Variants in DSN1 observed in about 807,000 individuals in gnomAD.
DSN1 encodes the protein kinetochore-associated protein DSN1 homolog.
Under a neutral mutation model 45.7 loss-of-function variants are expected in DSN1, and 31 were observed. That is an observed-to-expected ratio of 0.68 (90% CI 0.51 to 0.92). DSN1 has a LOEUF of 0.92. DSN1 is among the 40% of genes least tolerant of loss of function. The pLI, the probability that DSN1 is intolerant of heterozygous loss-of-function variation, is 0.00. For synonymous variants in DSN1, 134 were observed against 142.3 expected (o/e 0.94, Z 0.41); for missense variants, 394 against 414.2 (o/e 0.95, Z 0.42).
At chr20:36,753,021 T>C (rs1986456104) in intron 10 of DSN1, 124 bp from the exon 11 acceptor site, 1 of 754,328 alleles carries the variant, frequency 1.3e-6, no homozygotes, top group Non-Finnish European at 2.2e-6. Flanking sequence ...AGAGAGTCTC[T>C]GGCCTCAAGG....
intron 5 of DSN1, among the ~76,000 whole-genome samples, chr20:36,765,346 G>C (rs894943733): frequency 6.6e-6 from 1 of 150,592 alleles, no homozygotes; most frequent in Non-Finnish European, 1.5e-5. Context: ...ACCTGAGGTC[G>C]GGAGTTCGAG....
chr20:36,766,752 A>C lies in DSN1; in HGVS notation c.502+17T>G. On this transcript the variant is annotated intron_variant, in intron 5 of 10. Transcript: ENST00000373750. Reference sequence around the variant, plus strand: ...GACTGCCCAGGGTCAAAGCTCACTCATCTGTTAGCAACTTACCTTTGGCTC... The same window carrying C: ...GACTGCCCAGGGTCAAAGCTCACTCCTCTGTTAGCAACTTACCTTTGGCTC... 1 of 1,606,216 alleles carries C rather than the reference A, an allele frequency of 6.2e-7. No individual in the cohort carries two copies. The highest frequency in any genetic ancestry group is 1.3e-5 in the African/African-American group (1 of 74,626).
intron 4 of DSN1, 52 bp downstream of exon 4, chr20:36,767,917 C>G: frequency 1.3e-6 from 2 of 1,567,090 alleles, no homozygotes; most frequent in Middle Eastern, 1.7e-4. Context: ...AAAAGATTGT[C>G]ACAATAGCAG....
rs552907795 is a variant in DSN1, at chr20:36,770,126, G to A, written c.355+747C>T. ...TGTCACCCAGGATAGATTGAGTGGCGCAATCATAGCTCACTGCCTTCTTGA... is the reference window on the plus strand; with the variant it reads ...TGTCACCCAGGATAGATTGAGTGGCACAATCATAGCTCACTGCCTTCTTGA... On this transcript the variant is annotated intron_variant, in intron 3 of 10. Coordinates refer to ENST00000373750, the MANE Select transcript of DSN1 (RefSeq NM_001145315.2). 4.3e-4 allele frequency among the ~76,000 whole-genome samples: 65 copies of A among 152,198 alleles called. No homozygotes were observed. In the South Asian group the frequency reaches 0.012, roughly 28 times the overall value.
Position 36,763,417 on chromosome 20 carries a change from A to AG in DSN1, c.503-870_503-869insC, listed in dbSNP as rs1221431854. ...GACTCTGTCTCAAAAAAAGAAAAAA[A>AG]AAAAAAAAAAAAAAAAGAAGTCAGG... On this transcript the variant is annotated intron_variant, in intron 5 of 10. Coordinates refer to ENST00000373750, the MANE Select transcript of DSN1 (RefSeq NM_001145315.2). Among the ~76,000 whole-genome samples, 20 of 149,008 alleles carry AG rather than the reference A, an allele frequency of 1.3e-4. 1 individual carries two copies. The highest frequency in any genetic ancestry group is 4.9e-4 in the African/African-American group (20 of 40,704).
In DSN1 at chr20:36,763,162, G is replaced by A. The variant is rs112281861; in HGVS notation, c.503-614C>T. On this transcript the variant is annotated intron_variant, in intron 5 of 10. Transcript: ENST00000373750. ...CTCACACCTGCAATCCCAGCACTTT[G>A]GGAGGCCAAGGCAGGCATATCACTT... is the stretch of plus-strand genomic sequence containing the variant. 4.6e-3 allele frequency among the ~76,000 whole-genome samples: 700 copies of A among 152,262 alleles called. 7 individuals carry two copies. The highest frequency in any genetic ancestry group is 0.016 in the African/African-American group (665 of 41,562).
At chr20:36,757,246 C>T (rs142147189) in intron 8 of DSN1, among the ~76,000 whole-genome samples, 600 of 152,126 alleles carry the variant, frequency 3.9e-3, no homozygotes, top group African/African-American at 0.013. Context: ...ATCCCAGCTA[C>T]TCGGGAGGCT....
Position 36,771,191 on chromosome 20 carries a change from T to C in DSN1, c.37A>G (p.Lys13Glu). 1 of 1,587,798 alleles carries C rather than the reference T, an allele frequency of 6.3e-7. No homozygotes were observed. Among genetic ancestry groups the C allele is most frequent in the Non-Finnish European group, 8.6e-7 (1 of 1,167,580 alleles). ...TGAGTCTTAGACATCACTGGTCCTT[T>C]TTCTAGTATTTGTTATAAAAAAGTC... ...SVTRSEIIDEKGPVMSKTHDH... is the reference protein window; with the variant it reads ...SVTRSEIIDEEGPVMSKTHDH... Residue 13 changes from lysine (K) to glutamate (E), a missense_variant and splice_region_variant, in exon 3 of 11, where the codon AAA (lysine) becomes GAA (glutamate). Coordinates refer to ENST00000373750, the MANE Select transcript of DSN1 (RefSeq NM_001145315.2).
At position 36,771,128 on chromosome 20, in the gene DSN1, C is replaced by G; in HGVS notation, c.100G>C (p.Val34Leu). ...QLESSLSPVE[V>L]FAKTSASLEM... ...AGGGAGGCAGATGTTTTAGCAAACACTTCCACAGGACTGAGACTTGATTCC... is the reference window on the plus strand; with the variant it reads ...AGGGAGGCAGATGTTTTAGCAAACAGTTCCACAGGACTGAGACTTGATTCC... The change falls in exon 3 of 11, where the codon GTG (valine) becomes CTG (leucine). Residue 34 changes from valine (V) to leucine (L), a missense_variant. Val to Leu is a conservative substitution (Grantham distance 32, BLOSUM62 1). Coordinates refer to ENST00000373750, the MANE Select transcript of DSN1 (RefSeq NM_001145315.2). The G allele has an allele frequency of 6.2e-7, 1 of 1,614,182 alleles. No individual in the cohort carries two copies. Among genetic ancestry groups the G allele is most frequent in the Non-Finnish European group, 8.5e-7 (1 of 1,180,034 alleles).
chr20:36,752,719 C>T lies in DSN1; in HGVS notation c.*69G>A, dbSNP rs1986438586. 1 of 1,283,446 alleles carries T rather than the reference C, an allele frequency of 7.8e-7. No individual in the cohort carries two copies. The highest frequency in any genetic ancestry group is 1.5e-5 in the African/African-American group (1 of 68,252). The allele number at this position is 1,283,446 out of a possible 1,614,324, so 79.5% of individuals were successfully genotyped here. A position where few individuals can be genotyped will look rare whatever the true frequency, so the allele number is the denominator to read the frequency against. On this transcript the variant is annotated 3_prime_UTR_variant, in exon 11 of 11. Coordinates refer to ENST00000373750, the MANE Select transcript of DSN1 (RefSeq NM_001145315.2). ...AGGCAACGAGCAGAAATCACGCAGT[C>T]ACCACGTGCTGGGGCACTCTTCCCA... is the stretch of plus-strand genomic sequence containing the variant.
intron 6 of DSN1, among the ~76,000 whole-genome samples, chr20:36,761,272 A>G (rs1360814707): frequency 6.6e-6 from 1 of 152,158 alleles, no homozygotes; most frequent in African/African-American, 2.4e-5. Context: ...CACTCCAGCT[A>G]AAGTTGCCCA....
chr20:36,766,471 A>G (rs1017007794), intron 5 of DSN1, among the ~76,000 whole-genome samples: 1 of 152,190 alleles, frequency 6.6e-6, no homozygotes, highest in Non-Finnish European at 1.5e-5. Context: ...GTTCAAGATC[A>G]GCCTGGCCAA....
At chr20:36,756,160 T>C (rs535842246) in intron 8 of DSN1, among the ~76,000 whole-genome samples, 42 of 152,204 alleles carry the variant, frequency 2.8e-4, no homozygotes, top group Non-Finnish European at 5.6e-4. Flanking sequence ...TTTTGTATTT[T>C]TAGTAGAGAC....
At position 36,752,549 on chromosome 20, in the gene DSN1, A is replaced by G. The variant is rs1600996139; in HGVS notation, c.*239T>C. 2.4e-6 allele frequency: 1 copy of G among 410,670 alleles called. No individual in the cohort carries two copies. The highest frequency in any genetic ancestry group is 3.8e-5 in the East Asian group (1 of 26,498). 25.4% of individuals were successfully genotyped at this position (410,670 alleles called of 1,614,324 possible). A position where few individuals can be genotyped will look rare whatever the true frequency, so the allele number is the denominator to read the frequency against. On this transcript the variant is annotated 3_prime_UTR_variant, in exon 11 of 11. Coordinates refer to ENST00000373750, the MANE Select transcript of DSN1 (RefSeq NM_001145315.2). The stretch of plus-strand genomic sequence containing the variant: ...GAATGGGCCACTGGATCTGAAGATC[A>G]TTTCAAAAAAGAAGTTTGAACTTTC...
chr20:36,765,346 G>A (rs894943733), intron 5 of DSN1, among the ~76,000 whole-genome samples: 16 of 150,588 alleles, frequency 1.1e-4, no homozygotes, highest in African/African-American at 2.9e-4. Context: ...ACCTGAGGTC[G>A]GGAGTTCGAG....
At chr20:36,759,006 G>A (rs1474147381) in intron 6 of DSN1, among the ~76,000 whole-genome samples, 1 of 151,514 alleles carries the variant, frequency 6.6e-6, no homozygotes, top group Admixed American at 6.6e-5. Context: ...TTTTTGAGAC[G>A]GAGTCTCGCT....
At chr20:36,762,672 C>T in intron 5 of DSN1, 124 bp from the exon 6 acceptor site, 1 of 706,122 alleles carries the variant, frequency 1.4e-6, no homozygotes, top group Non-Finnish European at 2.2e-6. Context: ...TCCTCAAGCC[C>T]ACCCAAAAGT....
intron 5 of DSN1, among the ~76,000 whole-genome samples, chr20:36,766,558 G>C (rs1175830083): frequency 6.6e-6 from 1 of 152,070 alleles, no homozygotes; most frequent in East Asian, 1.9e-4. Flanking sequence ...GGGGGGCTCA[G>C]GCAGGAGAAT....
At position 36,754,869 on chromosome 20, in the gene DSN1, T is replaced by A. The variant is rs1318707633; in HGVS notation, c.874-19A>T. On this transcript the variant is annotated intron_variant, in intron 9 of 10. Transcript: ENST00000373750. ...CATCCATCTGTAGAAAAAAGACAGC[T>A]GTGAGCTGTAAAGGTCCATGGCTTC... is the stretch of plus-strand genomic sequence containing the variant. The A allele has an allele frequency of 2.5e-6, 4 of 1,610,864 alleles. No individual in the cohort carries two copies. Among genetic ancestry groups the A allele is most frequent in the Non-Finnish European group, 3.4e-6 (4 of 1,177,460 alleles).
Sources: gnomAD v4.1 joint callset for allele counts (sites outside exome capture counted in the v4.1 genomes callset) on GRCh38, gnomAD v4.1.1 for gene constraint, MANE v1.5 for transcripts, NCBI Gene and HGNC (gene_info 2026-07-23, HGNC 2026-07-21) for gene names.